DOP1B: variants seen among roughly 807,000 people sequenced by gnomAD.
DOP1B encodes the protein DOP1 leucine zipper like protein B.
A neutral mutation model predicts 233.5 loss-of-function variants in DOP1B; 174 were observed. That is an observed-to-expected ratio of 0.75 (90% confidence interval 0.66 to 0.85). DOP1B has a LOEUF of 0.85. DOP1B is among the 40% of genes least tolerant of loss of function. The pLI is 0.00. For missense variants in DOP1B, 2,652 were observed against 2,846.6 expected (o/e 0.93, Z 1.56); for synonymous variants, 1,190 against 1,185.6 (o/e 1.00, Z -0.08).
At chr21:36,223,507 C>A (rs562565835) in intron 11 of DOP1B, among the ~76,000 whole-genome samples, 157 bp downstream of exon 11, 1 of 152,170 alleles carries the variant, frequency 6.6e-6, no homozygotes, top group African/African-American at 2.4e-5. Context: ...GGAAAGAATT[C>A]ACTTAAGATT....
At chr21:36,272,649 C>CAAAAA (rs1048479594) in intron 27 of DOP1B, among the ~76,000 whole-genome samples, 1 of 58,718 alleles carries the variant, frequency 1.7e-5, no homozygotes, top group Non-Finnish European at 3.4e-5. Context: ...AACTCCATCT[C>CAAAAA]AAAAAAAAAA....
chr21:36,232,568 C>T lies in DOP1B; in HGVS notation c.2351-236C>T, dbSNP rs190841072. ...GTCTTCCCTTGACATGTCCCTCTTA[C>T]AAGGACACCAGTCATATTGGATTAG... On this transcript the variant is annotated intron_variant, in intron 14 of 36. Coordinates refer to ENST00000691173, the MANE Select transcript of DOP1B (RefSeq NM_001320714.2). Among the ~76,000 whole-genome samples the T allele has an allele frequency of 8.7e-4, 132 of 152,296 alleles. 1 individual carries two copies. Among genetic ancestry groups the T allele is most frequent in the African/African-American group, 2.8e-3 (117 of 41,566 alleles).
At chr21:36,273,008 G>C (rs1433472800) in intron 27 of DOP1B, among the ~76,000 whole-genome samples, 8 of 93,530 alleles carry the variant, frequency 8.6e-5, no homozygotes, top group Non-Finnish European at 1.5e-4. Flanking sequence ...AAAAAAAAAA[G>C]ACCCCATCTC....
chr21:36,243,128 C>T (rs921167983), intron 18 of DOP1B, among the ~76,000 whole-genome samples: 17 of 152,000 alleles, frequency 1.1e-4, no homozygotes, highest in South Asian at 2.1e-4. Context: ...TACAGGCACG[C>T]GCCGCCACGC....
chr21:36,206,111 T>G (rs546577184), intron 4 of DOP1B, among the ~76,000 whole-genome samples: 95 of 152,342 alleles, frequency 6.2e-4, no homozygotes, highest in African/African-American at 2.2e-3. Flanking sequence ...TAGGAAGTTA[T>G]TTCGTTTTTA....
intron 28 of DOP1B, 52 bp downstream of exon 28, chr21:36,277,152 A>G: frequency 6.3e-7 from 1 of 1,582,318 alleles, no homozygotes; most frequent in Non-Finnish European, 8.6e-7. Context: ...GCCATCACGA[A>G]TTGTTGCAAA....
chr21:36,240,728 A>C lies in DOP1B; in HGVS notation c.3067+773A>C, dbSNP rs2066883628. Reference sequence around the variant, plus strand: ...AAAAACTAAATAAGCCTGATGAGTCAATTAAACTTCAGTGATTAATATCTA... The same window carrying C: ...AAAAACTAAATAAGCCTGATGAGTCCATTAAACTTCAGTGATTAATATCTA... On this transcript the variant is annotated intron_variant, in intron 18 of 36. Coordinates refer to ENST00000691173, the MANE Select transcript of DOP1B (RefSeq NM_001320714.2). Among the ~76,000 whole-genome samples the C allele has an allele frequency of 4.6e-5, 7 of 152,344 alleles. No homozygotes were observed. The South Asian group carries it at 1.4e-3, about 32-fold the overall frequency.
chr21:36,276,557 A>T (rs11700485), intron 27 of DOP1B, among the ~76,000 whole-genome samples: 95,414 of 151,492 alleles, frequency 0.63, 30,834 homozygotes, highest in African/African-American at 0.79. Flanking sequence ...AAGTTGAATG[A>T]TGGCCAGGCA....
Position 36,245,899 on chromosome 21 carries a change from C to A in DOP1B, c.3919C>A (p.Pro1307Thr), listed in dbSNP as rs1278276176. 1 of 1,613,646 alleles carries A rather than the reference C, an allele frequency of 6.2e-7. No individual in the cohort carries two copies. Among genetic ancestry groups the A allele is most frequent in the Non-Finnish European group, 8.5e-7 (1 of 1,180,026 alleles). Reference sequence around the variant, plus strand: ...CCAGACCCAGGTCCCCAACGTGTGCCCCCACTCTCTGCTCCTGGAGCTGCT... The same window carrying A: ...CCAGACCCAGGTCCCCAACGTGTGCACCCACTCTCTGCTCCTGGAGCTGCT... ...KLQTQVPNVCPHSLLLELLTY... is the reference protein window; with the variant it reads ...KLQTQVPNVCTHSLLLELLTY... The change falls in exon 19 of 37, where the codon CCC (proline) becomes ACC (threonine). Residue 1307 changes from proline to threonine, a missense_variant. This residue lies in a region of DOP1B where 2,617 missense variants were observed against 2,794.3 expected (regional missense o/e 0.94). Coordinates refer to ENST00000691173, the MANE Select transcript of DOP1B (RefSeq NM_001320714.2). This position sits in a 1 kb window ranked among gnomAD's most constrained non-coding sequence, Gnocchi z 5.5.
chr21:36,253,702 TAAG>T lies in DOP1B; in HGVS notation c.5122-69_5122-67del, dbSNP rs537721388. ...CAGGGACGACTACTGTAGAATACAA[TAAG>T]GATGTGTCATCCTTATTTTTACTTT... On this transcript the variant is annotated intron_variant, in intron 22 of 36. Coordinates refer to ENST00000691173, the MANE Select transcript of DOP1B (RefSeq NM_001320714.2). 150 of 1,523,616 alleles carry T rather than the reference TAAG, an allele frequency of 9.8e-5. 2 individuals carry two copies. In the Admixed American group the frequency reaches 1.3e-3, roughly 13 times the overall value. The allele number at this position is 1,523,616 out of a possible 1,614,324, so 94.4% of individuals were successfully genotyped here.
intron 27 of DOP1B, among the ~76,000 whole-genome samples, chr21:36,275,487 A>G (rs1020561124): frequency 4.6e-5 from 7 of 151,926 alleles, no homozygotes; most frequent in Non-Finnish European, 1.5e-5. Context: ...GCCTGTAGTA[A>G]TGGGACCTGT....
chr21:36,211,933 C>A, intron 6 of DOP1B, 41 bp from the exon 7 acceptor site: 2 of 1,613,174 alleles, frequency 1.2e-6, no homozygotes, highest in South Asian at 1.1e-5. Context: ...GCAATCTGCC[C>A]TATCATTCCC....
intron 2 of DOP1B, among the ~76,000 whole-genome samples, chr21:36,177,202 G>A (rs1352456323): frequency 6.6e-6 from 1 of 152,172 alleles, no homozygotes; most frequent in Non-Finnish European, 1.5e-5. Context: ...TGATGATGTT[G>A]CAGCTTCACC....
chr21:36,224,960 T>C (rs978840353), intron 11 of DOP1B, among the ~76,000 whole-genome samples: 2 of 151,992 alleles, frequency 1.3e-5, no homozygotes, highest in African/African-American at 2.4e-5. Context: ...ATCGTGCTTT[T>C]GGGCTTGGAC....
chr21:36,288,144 T>A lies in DOP1B; in HGVS notation c.6291T>A (p.Ser2097=). Reference sequence around the variant, plus strand: ...CTTCATTGTGGCCAATAATGGTCTCTGAATTGGTGAGTACAAGTATTGTAA... The same window carrying A: ...CTTCATTGTGGCCAATAATGGTCTCAGAATTGGTGAGTACAAGTATTGTAA... ...HLTSLWPIMV[S]ELIQTFTQLE... The change falls in exon 33 of 37, where the codon TCT becomes TCA. Residue 2097 remains serine, a synonymous_variant. Coordinates refer to ENST00000691173, the MANE Select transcript of DOP1B (RefSeq NM_001320714.2). The A allele has an allele frequency of 1.2e-6, 2 of 1,613,004 alleles. No individual in the cohort carries two copies. The highest frequency in any genetic ancestry group is 1.7e-6 in the Non-Finnish European group (2 of 1,179,760).
intron 2 of DOP1B, among the ~76,000 whole-genome samples, chr21:36,177,089 AG>A (rs1196678828): frequency 2.0e-5 from 3 of 152,204 alleles, no homozygotes; most frequent in Non-Finnish European, 4.4e-5. Context: ...CTGGGATTAC[AG>A]GCGTGAGCCA....
intron 5 of DOP1B, among the ~76,000 whole-genome samples, chr21:36,209,869 G>A (rs1225047328): frequency 6.6e-6 from 1 of 152,154 alleles, no homozygotes; most frequent in East Asian, 1.9e-4. Context: ...GAATTCGCAG[G>A]TGAGAAGATC....
In DOP1B at chr21:36,293,424, A is replaced by G. The variant is rs372402950; in HGVS notation, c.6750A>G (p.Leu2250=). 24 of 1,614,052 alleles carry G rather than the reference A, an allele frequency of 1.5e-5. No homozygotes were observed. In the African/African-American group the frequency reaches 2.4e-4, roughly 16 times the overall value. ...AGTTGATGCCATTCTTCATGACTCT[A>G]AATGGTGCATTTAAGACCCAGAGAC... ...IRQLMPFFMT[L]NGAFKTQRQL... Residue 2250 remains leucine, a synonymous_variant, in exon 37 of 37, where the codon CTA becomes CTG. Transcript: ENST00000691173.
intron 1 of DOP1B, among the ~76,000 whole-genome samples, chr21:36,163,323 A>G (rs1416720241): frequency 6.8e-6 from 1 of 147,984 alleles, no homozygotes; most frequent in Non-Finnish European, 1.5e-5. Flanking sequence ...CAGCTTGGTC[A>G]ACAAGAGTGA....
Sources: gnomAD v4.1 joint callset for allele counts (sites outside exome capture counted in the v4.1 genomes callset) on GRCh38, gnomAD v4.1.1 for gene constraint, gnomAD v4.1.1 regional missense constraint, Gnocchi (gnomAD v3.1) non-coding constraint, MANE v1.5 for transcripts, NCBI Gene and HGNC (gene_info 2026-07-23, HGNC 2026-07-21) for gene names.